The following CSMD1 variants were observed in gnomAD, a reference collection of about 807,000 sequenced individuals.
The protein encoded by CSMD1 is CUB and sushi domain-containing protein 1.
Under a neutral mutation model 417.5 loss-of-function variants are expected in CSMD1, and 213 were observed. The ratio of observed to expected loss-of-function variants is 0.51; its 90% CI spans 0.46 to 0.57. The LOEUF (loss-of-function observed/expected upper bound fraction) is 0.57. Among genes scored for constraint, CSMD1 ranks in the 20% least tolerant of loss-of-function variants. The pLI, the probability that CSMD1 is intolerant of heterozygous loss-of-function variation, is 0.00. For missense variants in CSMD1, 6,923 were observed against 4,529.7 expected (o/e 1.53, Z -15.17); for synonymous variants, 2,862 against 1,736.8 (o/e 1.65, Z -16.11).
Position 3,690,916 on chromosome 8 carries a change from G to A in CSMD1, c.1009+17498C>T, listed in dbSNP as rs536564270. Among the ~76,000 whole-genome samples the A allele has an allele frequency of 3.9e-5, 6 of 152,204 alleles. No homozygotes were observed. In the South Asian group the frequency reaches 1.2e-3, roughly 32 times the overall value. ...TAAATTAAATAACAACAAATAAATT[G>A]AATAATTAAATAAATTAAAGTAAAA... On this transcript the variant is annotated intron_variant, in intron 7 of 69. Coordinates refer to ENST00000635120, the MANE Select transcript of CSMD1 (RefSeq NM_033225.6).
At chr8:4,244,298 T>G (rs911276323) in intron 3 of CSMD1, among the ~76,000 whole-genome samples, 1 of 152,130 alleles carries the variant, frequency 6.6e-6, no homozygotes. Flanking sequence ...GGAAACACTA[T>G]GCAGTCTTGT....
At chr8:4,809,409 A>G (rs927835669) in intron 1 of CSMD1, among the ~76,000 whole-genome samples, 19 of 152,338 alleles carry the variant, frequency 1.2e-4, no homozygotes, top group African/African-American at 3.8e-4. Flanking sequence ...AGTAAGGAGT[A>G]TAAGTTAAAT....
chr8:3,267,168 C>A (rs573390971), intron 26 of CSMD1, among the ~76,000 whole-genome samples: 6 of 152,174 alleles, frequency 3.9e-5, no homozygotes, highest in East Asian at 3.9e-4. Context: ...TGCTGGAGGA[C>A]CACCACTGCC....
intron 10 of CSMD1, among the ~76,000 whole-genome samples, chr8:3,542,944 G>A (rs962336541): frequency 7.2e-6 from 1 of 138,822 alleles, no homozygotes; most frequent in Non-Finnish European, 1.5e-5. Context: ...AGACTTGGGG[G>A]ACCCGCTGGC....
At chr8:4,843,798 A>G (rs1365134468) in intron 1 of CSMD1, among the ~76,000 whole-genome samples, 2 of 152,234 alleles carry the variant, frequency 1.3e-5, no homozygotes, top group Non-Finnish European at 2.9e-5. Context: ...GAACAAACTG[A>G]TACAACGTAA....
At chr8:3,348,205 A>G in intron 21 of CSMD1, 44 bp from the exon 22 acceptor site, 1 of 1,523,110 alleles carries the variant, frequency 6.6e-7, no homozygotes. Flanking sequence ...CAAAAGTGGA[A>G]TTACTGTTTT....
At chr8:3,306,849 CTTACTTTAA>C (rs1804897302) in intron 25 of CSMD1, among the ~76,000 whole-genome samples, 1 of 61,384 alleles carries the variant, frequency 1.6e-5, no homozygotes, top group Non-Finnish European at 3.6e-5. Context: ...TATTACAGAG[CTTACTTTAA>C]AAATATTACT....
intron 1 of CSMD1, among the ~76,000 whole-genome samples, chr8:4,948,208 T>C (rs1485123030): frequency 6.6e-6 from 1 of 152,092 alleles, no homozygotes; most frequent in Non-Finnish European, 1.5e-5. Context: ...TCATAATATA[T>C]ACGAGTTTAG....
intron 1 of CSMD1, among the ~76,000 whole-genome samples, chr8:4,913,135 C>T (rs1467025619): frequency 1.3e-5 from 2 of 152,176 alleles, no homozygotes; most frequent in Non-Finnish European, 2.9e-5. Context: ...CAGATCAAAG[C>T]AGAGTCCACC....
intron 5 of CSMD1, among the ~76,000 whole-genome samples, chr8:3,990,964 G>A (rs1814697392): frequency 6.6e-6 from 1 of 152,100 alleles, no homozygotes; most frequent in African/African-American, 2.4e-5. Context: ...CTTTTCAGAA[G>A]GACAGGAGAG....
At chr8:4,841,671 G>T (rs1412295216) in intron 1 of CSMD1, among the ~76,000 whole-genome samples, 1 of 152,080 alleles carries the variant, frequency 6.6e-6, no homozygotes, top group Non-Finnish European at 1.5e-5. Context: ...AGCCGTTTGG[G>T]AGGCTGAGGC....
intron 3 of CSMD1, among the ~76,000 whole-genome samples, chr8:4,277,436 C>G (rs777319738): frequency 1.3e-5 from 2 of 152,136 alleles, no homozygotes; most frequent in Non-Finnish European, 2.9e-5. Context: ...TGTCCGTCAG[C>G]TTTCAGTCAA....
At chr8:4,434,895 A>C (rs1398832913) in intron 2 of CSMD1, among the ~76,000 whole-genome samples, 1 of 152,190 alleles carries the variant, frequency 6.6e-6, no homozygotes, top group African/African-American at 2.4e-5. Context: ...AAAATGCTGT[A>C]TTTTGTCAGC....
intron 10 of CSMD1, among the ~76,000 whole-genome samples, chr8:3,543,406 G>A (rs1475119023): frequency 6.6e-6 from 1 of 152,172 alleles, no homozygotes; most frequent in African/African-American, 2.4e-5. Flanking sequence ...GTTGAGAACA[G>A]AATGAACAGG....
intron 37 of CSMD1, among the ~76,000 whole-genome samples, chr8:3,162,925 G>A (rs1004361625): frequency 6.6e-5 from 10 of 152,012 alleles, no homozygotes; most frequent in African/African-American, 2.4e-4. Flanking sequence ...ATATAATACT[G>A]GAACTCAGCC....
intron 50 of CSMD1, among the ~76,000 whole-genome samples, chr8:3,038,776 C>T (rs1810872448): frequency 6.6e-6 from 1 of 152,114 alleles, no homozygotes; most frequent in African/African-American, 2.4e-5. Context: ...AGAATATATC[C>T]ACATACTCAA....
chr8:4,429,394 A>G (rs1446742922), intron 2 of CSMD1, among the ~76,000 whole-genome samples: 3 of 152,170 alleles, frequency 2.0e-5, no homozygotes. Flanking sequence ...TATACAAACT[A>G]TATCGGACAA....
At chr8:3,815,501 G>A (rs1275161804) in intron 5 of CSMD1, among the ~76,000 whole-genome samples, 3 of 151,728 alleles carry the variant, frequency 2.0e-5, no homozygotes, top group Non-Finnish European at 2.9e-5. Flanking sequence ...AAAAATATGT[G>A]TAAGACTATG....
chr8:4,091,351 T>C (rs532430992), intron 3 of CSMD1, among the ~76,000 whole-genome samples: 5 of 152,206 alleles, frequency 3.3e-5, no homozygotes, highest in Admixed American at 3.3e-4. Flanking sequence ...ATCATTGAAT[T>C]TGAAATGTCC....
Sources: gnomAD v4.1 joint callset for allele counts (sites outside exome capture counted in the v4.1 genomes callset) on GRCh38, gnomAD v4.1.1 for gene constraint, MANE v1.5 for transcripts, NCBI Gene and HGNC (gene_info 2026-07-23, HGNC 2026-07-21) for gene names.